JADE3: variants seen among roughly 807,000 people sequenced by gnomAD.
JADE3 encodes the protein protein Jade-3.
In JADE3, 2 loss-of-function variants were observed where a neutral mutation model predicts 50.1. That is an observed-to-expected ratio of 0.04 (90% CI 0.02 to 0.13). JADE3 has a LOEUF of 0.13. Among genes scored for constraint, JADE3 ranks in the 10% least tolerant of loss-of-function variants. The pLI is 1.00. For missense variants in JADE3, 475 were observed against 634.4 expected (o/e 0.75, Z 2.70); for synonymous variants, 218 against 232.9 (o/e 0.94, Z 0.58).
At chrX:46,938,858 C>T (rs1556341728) in intron 1 of JADE3, among the ~76,000 whole-genome samples, 3 of 112,424 alleles carry the variant, frequency 2.7e-5, no homozygotes, top group South Asian at 3.7e-4. Flanking sequence ...GACGGAGTCT[C>T]GCTCTGTTGC....
rs1186255878 is a variant in JADE3, at chrX:47,061,193, A to G, written c.*2116A>G. 9.0e-6 allele frequency: 1 copy of G among 111,561 alleles called. No homozygotes were observed. The highest frequency in any genetic ancestry group is 1.9e-5 in the Non-Finnish European group (1 of 53,039). The allele number at this position is 111,561 out of a possible 1,213,427, so 9.2% of individuals were successfully genotyped here. A position where few individuals can be genotyped will look rare whatever the true frequency, so the allele number is the denominator to read the frequency against. On this transcript the variant is annotated 3_prime_UTR_variant, in exon 11 of 11. Transcript: ENST00000614628. ...TCCAAGATAAGCTCAGTCCTTTTTC[A>G]AATGTCCCCTTTTTACCAATACTTT...
chrX:46,958,466 T>C (rs782818255), intron 1 of JADE3, among the ~76,000 whole-genome samples: 1 of 111,867 alleles, frequency 8.9e-6, no homozygotes, highest in South Asian at 3.7e-4. Flanking sequence ...TAGCTCTGTG[T>C]CCCACCAGAA....
chrX:47,042,551 G>A (rs1160703821), intron 8 of JADE3, among the ~76,000 whole-genome samples: 1 of 111,816 alleles, frequency 8.9e-6, no homozygotes, highest in Non-Finnish European at 1.9e-5. Flanking sequence ...TTTTATAAAG[G>A]TCTTACCAAA....
chrX:47,011,778 T>C (rs781814638), intron 4 of JADE3, among the ~76,000 whole-genome samples: 59 of 112,188 alleles, frequency 5.3e-4, no homozygotes, highest in Admixed American at 8.5e-4. Context: ...ATTTGTCTAA[T>C]GGCTAATGAT....
intron 10 of JADE3, 28 bp downstream of exon 10, chrX:47,056,227 CA>C: frequency 1.2e-6 from 1 of 804,398 alleles, no homozygotes; most frequent in Non-Finnish European, 1.9e-6. Flanking sequence ...AATGTCCTAA[CA>C]AATATGTAGA....
In JADE3 at chrX:46,985,589, G is replaced by A. The variant is rs1381223019; in HGVS notation, c.47-124G>A. 4 of 483,004 alleles carry A rather than the reference G, an allele frequency of 8.3e-6. No homozygotes were observed. The African/African-American group carries it at 9.7e-5, about 12-fold the overall frequency. The allele number at this position is 483,004 out of a possible 1,213,427, so 39.8% of individuals were successfully genotyped here. On this transcript the variant is annotated intron_variant, in intron 2 of 10. Transcript: ENST00000614628. Reference sequence around the variant, plus strand: ...TGCAGTTTGACTGTTTTCTTCAGTGGTATGAGCTCTCTGGTTTCTCCATCA... The same window carrying A: ...TGCAGTTTGACTGTTTTCTTCAGTGATATGAGCTCTCTGGTTTCTCCATCA...
intron 6 of JADE3, among the ~76,000 whole-genome samples, chrX:47,030,561 G>A (rs1290548651): frequency 9.0e-6 from 1 of 111,580 alleles, no homozygotes; most frequent in African/African-American, 3.3e-5. Context: ...GGAAGATTTG[G>A]TTTACTCCCT....
At chrX:47,031,811 G>A (rs1000358031) in intron 6 of JADE3, among the ~76,000 whole-genome samples, 8 of 111,321 alleles carry the variant, frequency 7.2e-5, no homozygotes, top group African/African-American at 2.6e-4. Context: ...GCTACAGTGA[G>A]CCAAGATCAT....
intron 1 of JADE3, among the ~76,000 whole-genome samples, chrX:46,942,337 G>A (rs1926779301): frequency 8.9e-6 from 1 of 111,916 alleles, no homozygotes; most frequent in South Asian, 3.7e-4. Context: ...TATATTTATA[G>A]TTTGAGGTCT....
At chrX:46,942,311 C>T (rs1283969679) in intron 1 of JADE3, among the ~76,000 whole-genome samples, 2 of 111,501 alleles carry the variant, frequency 1.8e-5, no homozygotes, top group African/African-American at 6.5e-5. Flanking sequence ...AAGGTATTTC[C>T]TAGATTTTCT....
rs1450083669 is a variant in JADE3, at chrX:46,912,557, G to A, written c.-174G>A. On this transcript the variant is annotated 5_prime_UTR_variant, in exon 1 of 11. Coordinates refer to ENST00000614628, the MANE Select transcript of JADE3 (RefSeq NM_014735.5). ...AGCTGAGGCGCGGGGGGCGGCCCCGGCGGGGGGCGGGGGCGAGGAGGGGAT... is the reference window on the plus strand; with the variant it reads ...AGCTGAGGCGCGGGGGGCGGCCCCGACGGGGGGCGGGGGCGAGGAGGGGAT... 1 of 111,417 alleles carries A rather than the reference G, an allele frequency of 9.0e-6. No homozygotes were observed. Among genetic ancestry groups the A allele is most frequent in the Non-Finnish European group, 1.9e-5 (1 of 52,763 alleles). The allele number at this position is 111,417 out of a possible 1,213,427, so 9.2% of individuals were successfully genotyped here.
intron 1 of JADE3, among the ~76,000 whole-genome samples, chrX:46,959,208 A>C (rs1049806607): frequency 3.6e-5 from 4 of 112,088 alleles, no homozygotes; most frequent in Non-Finnish European, 7.5e-5. Context: ...GCAGCCCCAA[A>C]TCTCCTTTTC....
At chrX:46,967,660 G>A (rs1254828325) in intron 1 of JADE3, among the ~76,000 whole-genome samples, 10 of 111,468 alleles carry the variant, frequency 9.0e-5, no homozygotes, top group East Asian at 2.8e-4. Context: ...TTCCTGGGGC[G>A]GCTACTGGAG....
chrX:46,952,690 A>G (rs1927031146), intron 1 of JADE3, among the ~76,000 whole-genome samples: 1 of 112,125 alleles, frequency 8.9e-6, no homozygotes, highest in Non-Finnish European at 1.9e-5. Context: ...AAACAGAGAG[A>G]AAAAAAGTAA....
rs1055079962 is a variant in JADE3 at position 47,059,323 on chromosome X, G to A, written c.*246G>A. 11 of 322,627 alleles carry A rather than the reference G, an allele frequency of 3.4e-5. No individual in the cohort carries two copies. Among genetic ancestry groups the A allele is most frequent in the African/African-American group, 2.1e-4 (8 of 37,565 alleles). 26.6% of individuals were successfully genotyped at this position (322,627 alleles called of 1,213,427 possible). Reference sequence around the variant, plus strand: ...GCTATTGGGAACAGCTGGGCCCAGGGTATTTGCTCAGTAAATATTTTGGGG... The same window carrying A: ...GCTATTGGGAACAGCTGGGCCCAGGATATTTGCTCAGTAAATATTTTGGGG... On this transcript the variant is annotated 3_prime_UTR_variant, in exon 11 of 11. Transcript: ENST00000614628.
At chrX:47,049,257 G>A (rs1467053224) in intron 8 of JADE3, among the ~76,000 whole-genome samples, 6 of 94,930 alleles carry the variant, frequency 6.3e-5, no homozygotes, top group Admixed American at 2.5e-4. Context: ...GCGCGATCTC[G>A]GCTCACTGCA....
chrX:46,999,977 A>C (rs1406253472), intron 4 of JADE3, among the ~76,000 whole-genome samples: 1 of 111,331 alleles, frequency 9.0e-6, no homozygotes, highest in Admixed American at 9.6e-5. Context: ...GTTACATATT[A>C]GATTTTTTTA....
intron 3 of JADE3, among the ~76,000 whole-genome samples, chrX:46,988,977 G>GT (rs1927922616): frequency 8.9e-6 from 1 of 112,069 alleles, no homozygotes; most frequent in Non-Finnish European, 1.9e-5. Flanking sequence ...GTAGCTGGGA[G>GT]TACAGGTGCC....
intron 6 of JADE3, among the ~76,000 whole-genome samples, chrX:47,030,707 A>G (rs899187140): frequency 8.9e-6 from 1 of 112,223 alleles, no homozygotes; most frequent in Non-Finnish European, 1.9e-5. Flanking sequence ...AGATGTGTAC[A>G]TAAGTAGCCT....
Sources: allele counts gnomAD v4.1 joint callset (sites outside exome capture counted in the v4.1 genomes callset), GRCh38; gene constraint gnomAD v4.1.1; transcripts MANE v1.5; gene names NCBI Gene and HGNC (gene_info 2026-07-23, HGNC 2026-07-21).